The following NEGR1 variants were observed in gnomAD, a reference collection of about 807,000 sequenced individuals.
The protein encoded by NEGR1 is neuronal growth regulator 1.
In NEGR1, 10 loss-of-function variants were observed where a neutral mutation model predicts 40.9. The ratio of observed to expected loss-of-function variants is 0.24; its 90% confidence interval spans 0.15 to 0.42. The LOEUF (loss-of-function observed/expected upper bound fraction) is 0.42, where lower values mean the gene tolerates loss of function less well. Among genes scored for constraint, NEGR1 ranks in the 10% least tolerant of loss-of-function variants. The pLI is 1.00. For missense variants in NEGR1, 352 were observed against 438.9 expected (o/e 0.80, Z 1.77); for synonymous variants, 185 against 166.8 (o/e 1.11, Z -0.84).
intron 1 of NEGR1, among the ~76,000 whole-genome samples, chr1:71,997,425 G>A (rs948125766): frequency 6.6e-6 from 1 of 151,946 alleles, no homozygotes; most frequent in Non-Finnish European, 1.5e-5. Context: ...AAACGTCCAA[G>A]TACAAATGTT....
At chr1:71,742,373 G>A (rs536680028) in intron 3 of NEGR1, among the ~76,000 whole-genome samples, 155 of 152,262 alleles carry the variant, frequency 1.0e-3, no homozygotes, top group Non-Finnish European at 1.7e-3. Context: ...CCCAGTGGGT[G>A]CAGAAAGTGG....
chr1:71,625,856 A>T (rs890970023), intron 4 of NEGR1, among the ~76,000 whole-genome samples: 1 of 151,208 alleles, frequency 6.6e-6, no homozygotes, highest in Non-Finnish European at 1.5e-5. Flanking sequence ...ATACCTTATA[A>T]TTTTTTTTTA....
chr1:71,688,421 T>TATATATATAAAAG lies in NEGR1; in HGVS notation c.667+9574_667+9586dup, dbSNP rs1306363668. ...ATATATATAAGATATATATAAAAGA[T>TATATATATAAAAG]ATATATATAAAAGATATATATATAA... On this transcript the variant is annotated intron_variant, in intron 4 of 6. Transcript: ENST00000357731. Among the ~76,000 whole-genome samples the TATATATATAAAAG allele has an allele frequency of 1.5e-3, 150 of 98,672 alleles. 4 individuals are homozygous for TATATATATAAAAG. The highest frequency in any genetic ancestry group is 2.1e-3 in the East Asian group (7 of 3,298). 64.7% of individuals were successfully genotyped at this position (98,672 alleles called of 152,430 possible).
chr1:71,998,279 T>A (rs1366668286), intron 1 of NEGR1, among the ~76,000 whole-genome samples: 1 of 151,930 alleles, frequency 6.6e-6, no homozygotes, highest in Non-Finnish European at 1.5e-5. Flanking sequence ...TCCTGGCATA[T>A]AGCTCAATAA....
At chr1:72,000,436 G>A (rs552351543) in intron 1 of NEGR1, among the ~76,000 whole-genome samples, 3 of 152,000 alleles carry the variant, frequency 2.0e-5, no homozygotes, top group Non-Finnish European at 2.9e-5. Flanking sequence ...AAAAAAAAAT[G>A]TAGTGCAGTT....
At chr1:71,974,874 G>A (rs1327994834) in intron 1 of NEGR1, among the ~76,000 whole-genome samples, 1 of 152,080 alleles carries the variant, frequency 6.6e-6, no homozygotes, top group Non-Finnish European at 1.5e-5. Flanking sequence ...GAAATTAATA[G>A]AAGCTTTAAC....
rs906995890 is a variant in NEGR1 at position 72,260,711 on chromosome 1, G to T, written c.176+21608C>A. Among the ~76,000 whole-genome samples, 4 of 151,832 alleles carry T rather than the reference G, an allele frequency of 2.6e-5. No individual in the cohort carries two copies. In the East Asian group the frequency reaches 7.7e-4, roughly 29 times the overall value. ...AATTTTCTAAATAGTTGCTCAAATT[G>T]GAATATAATATTTTAAATGAATCCC... On this transcript the variant is annotated intron_variant, in intron 1 of 6. Transcript: ENST00000357731.
intron 1 of NEGR1, among the ~76,000 whole-genome samples, chr1:72,022,304 CGA>C (rs1646768071): frequency 8.7e-6 from 1 of 114,410 alleles, no homozygotes; most frequent in African/African-American, 3.1e-5. Context: ...TATATATACA[CGA>C]ATATCCTAAA....
At chr1:71,661,862 C>T (rs901342212) in intron 4 of NEGR1, among the ~76,000 whole-genome samples, 3 of 152,182 alleles carry the variant, frequency 2.0e-5, no homozygotes, top group African/African-American at 7.2e-5. Context: ...ATTTTAGCCT[C>T]AGGAACCAAA....
chr1:71,568,322 A>G (rs1648687963), intron 6 of NEGR1, among the ~76,000 whole-genome samples: 1 of 152,174 alleles, frequency 6.6e-6, no homozygotes, highest in Admixed American at 6.5e-5. Flanking sequence ...GTGAAGAATC[A>G]TTTCTGGTAA....
intron 4 of NEGR1, among the ~76,000 whole-genome samples, chr1:71,628,447 G>A (rs999393726): frequency 6.6e-6 from 1 of 151,990 alleles, no homozygotes; most frequent in Non-Finnish European, 1.5e-5. Context: ...TAAGTTCTGA[G>A]ATACATGTGC....
intron 6 of NEGR1, among the ~76,000 whole-genome samples, chr1:71,427,880 C>G (rs1646439364): frequency 6.6e-6 from 1 of 152,106 alleles, no homozygotes; most frequent in Non-Finnish European, 1.5e-5. Context: ...CTTACATATG[C>G]TATGAGCCAT....
intron 1 of NEGR1, among the ~76,000 whole-genome samples, chr1:72,005,645 A>T (rs1167325439): frequency 6.6e-6 from 1 of 152,164 alleles, no homozygotes. Context: ...AAATCTTGGC[A>T]ATAATAAATG....
intron 1 of NEGR1, among the ~76,000 whole-genome samples, chr1:72,240,285 G>T (rs1447776281): frequency 6.6e-6 from 1 of 151,820 alleles, no homozygotes; most frequent in African/African-American, 2.4e-5. Context: ...GCAATGAAAA[G>T]AAAGTATCTA....
intron 5 of NEGR1, among the ~76,000 whole-genome samples, chr1:71,606,673 A>T (rs550945939): frequency 1.1e-4 from 16 of 152,186 alleles, no homozygotes; most frequent in Admixed American, 2.0e-4. Flanking sequence ...CAGTAAATTG[A>T]TGATAATAAA....
At chr1:72,067,517 A>C in intron 1 of NEGR1, among the ~76,000 whole-genome samples, 1 of 152,270 alleles carries the variant, frequency 6.6e-6, no homozygotes, top group East Asian at 1.9e-4. Context: ...TTCAATTTAT[A>C]AAACTTTGAA....
chr1:71,731,726 C>G (rs1056497732), intron 3 of NEGR1, among the ~76,000 whole-genome samples: 1 of 152,132 alleles, frequency 6.6e-6, no homozygotes, highest in African/African-American at 2.4e-5. Context: ...AGATGCAACA[C>G]TGATATATTG....
At chr1:72,134,748 A>G (rs900027037) in intron 1 of NEGR1, among the ~76,000 whole-genome samples, 27 of 148,174 alleles carry the variant, frequency 1.8e-4, no homozygotes, top group Non-Finnish European at 3.4e-4. Context: ...TTATTCATTT[A>G]TTTTTTGAGA....
intron 1 of NEGR1, among the ~76,000 whole-genome samples, chr1:72,029,650 C>G (rs1303017263): frequency 6.6e-6 from 1 of 152,026 alleles, no homozygotes; most frequent in African/African-American, 2.4e-5. Flanking sequence ...AAGAATTATT[C>G]GAACTTTTAC....
Sources: allele counts gnomAD v4.1 joint callset (sites outside exome capture counted in the v4.1 genomes callset), GRCh38; gene constraint gnomAD v4.1.1; transcripts MANE v1.5; gene names NCBI Gene and HGNC (gene_info 2026-07-23, HGNC 2026-07-21).